Variants in BBX observed in about 807,000 individuals in gnomAD.
BBX encodes the protein HMG box transcription factor BBX.
Under a neutral mutation model 100.2 loss-of-function variants are expected in BBX, and 30 were observed. That is an observed-to-expected ratio of 0.30 (90% confidence interval 0.22 to 0.41). The LOEUF is 0.41. Ranked by LOEUF, BBX falls within the 10% of genes least tolerant of loss-of-function variation. The probability of loss-of-function intolerance (pLI) is 1.00; values close to 1 mark genes in which losing one functional copy is unlikely to be tolerated. For synonymous variants in BBX, 376 were observed against 388.1 expected, an observed-to-expected ratio of 0.97 and a Z score of 0.37; for missense variants, 1,023 against 1,129.8, an observed-to-expected ratio of 0.91 and a Z score of 1.35.
intron 10 of BBX, among the ~76,000 whole-genome samples, chr3:107,763,317 C>T (rs1322979445): frequency 2.0e-5 from 3 of 151,770 alleles, no homozygotes; most frequent in Non-Finnish European, 2.9e-5. Flanking sequence ...CTCCGCCTCC[C>T]GGGTTCACGC....
intron 3 of BBX, among the ~76,000 whole-genome samples, chr3:107,674,154 T>C: frequency 6.6e-6 from 1 of 152,202 alleles, no homozygotes; most frequent in South Asian, 2.1e-4. Flanking sequence ...TGGAAATACA[T>C]GTCAGAGGAG....
intron 2 of BBX, among the ~76,000 whole-genome samples, chr3:107,605,600 C>CT (rs1301892917): frequency 2.6e-5 from 4 of 152,134 alleles, no homozygotes; most frequent in African/African-American, 9.7e-5. Context: ...CTTCCTTCTC[C>CT]TACCACCCTC....
At chr3:107,596,351 A>G (rs1490087345) in intron 2 of BBX, among the ~76,000 whole-genome samples, 2 of 152,202 alleles carry the variant, frequency 1.3e-5, no homozygotes, top group African/African-American at 2.4e-5. Flanking sequence ...AGAACATAGT[A>G]AGTTTTCTTG....
At chr3:107,660,645 C>T (rs865861189) in intron 3 of BBX, among the ~76,000 whole-genome samples, 2 of 151,666 alleles carry the variant, frequency 1.3e-5, no homozygotes, top group African/African-American at 2.4e-5. Flanking sequence ...TATATTGATA[C>T]ACAGTTGAAT....
At chr3:107,650,607 G>A (rs2057785486) in intron 3 of BBX, among the ~76,000 whole-genome samples, 1 of 152,144 alleles carries the variant, frequency 6.6e-6, no homozygotes, top group South Asian at 2.1e-4. Flanking sequence ...AATAGCACAT[G>A]TATATAAAAA....
chr3:107,583,879 TTATATA>T (rs1216617503), intron 2 of BBX, among the ~76,000 whole-genome samples: 3 of 128,622 alleles, frequency 2.3e-5, no homozygotes, highest in Non-Finnish European at 3.2e-5. Context: ...AAATTATACT[TTATATA>T]TATTATATAT....
In BBX at chr3:107,647,821, G is replaced by A. The variant is rs566424776; in HGVS notation, c.-10+1912G>A. On this transcript the variant is annotated intron_variant, in intron 3 of 17. Coordinates refer to ENST00000325805, the MANE Select transcript of BBX (RefSeq NM_001142568.3). Reference sequence around the variant, plus strand: ...GATTAGTCTCCTGCCACTCCGCTCCGTGTCCTCTTCATTCTTGGACCAAAG... The same window carrying A: ...GATTAGTCTCCTGCCACTCCGCTCCATGTCCTCTTCATTCTTGGACCAAAG... Among the ~76,000 whole-genome samples the A allele has an allele frequency of 8.5e-5, 13 of 152,196 alleles. No homozygotes were observed. In the East Asian group the frequency reaches 9.7e-4, roughly 11 times the overall value.
At chr3:107,569,651 G>T (rs1043499393) in intron 2 of BBX, among the ~76,000 whole-genome samples, 8 of 152,266 alleles carry the variant, frequency 5.3e-5, no homozygotes, top group Non-Finnish European at 5.9e-5. Context: ...AACTAAAAAG[G>T]ACTGTATAAA....
intron 10 of BBX, among the ~76,000 whole-genome samples, chr3:107,763,479 G>A (rs1048559016): frequency 1.3e-5 from 2 of 152,096 alleles, no homozygotes; most frequent in African/African-American, 4.8e-5. Context: ...AAATACATCT[G>A]ATTCAGAAAG....
intron 4 of BBX, among the ~76,000 whole-genome samples, chr3:107,713,597 A>G (rs1000150382): frequency 3.9e-5 from 6 of 152,246 alleles, no homozygotes; most frequent in African/African-American, 1.4e-4. Flanking sequence ...ATTACATTAA[A>G]TAGCAATTAA....
chr3:107,687,446 A>G lies in BBX; in HGVS notation c.-9-23006A>G, dbSNP rs543428983. On this transcript the variant is annotated intron_variant, in intron 3 of 17. Transcript: ENST00000325805. ...AGAGGGGGGAATGGAGAACTTATAGACAGAGAAGCGGGGAATGCAGGACAG... is the reference window on the plus strand; with the variant it reads ...AGAGGGGGGAATGGAGAACTTATAGGCAGAGAAGCGGGGAATGCAGGACAG... Among the ~76,000 whole-genome samples, 8 of 152,072 alleles carry G rather than the reference A, an allele frequency of 5.3e-5. 1 individual carries two copies. In the South Asian group the frequency reaches 1.7e-3, roughly 32 times the overall value.
chr3:107,790,903 T>C (rs553612702), intron 14 of BBX, among the ~76,000 whole-genome samples: 1 of 152,358 alleles, frequency 6.6e-6, no homozygotes, highest in African/African-American at 2.4e-5. Context: ...TTATTTTTTC[T>C]TCTGCTTACA....
intron 3 of BBX, chr3:107,659,711 C>A (rs1376104503): frequency 1.6e-6 from 2 of 1,281,206 alleles, no homozygotes; most frequent in African/African-American, 3.1e-5. Context: ...TGTAGATTAT[C>A]CTCACATGTT....
At chr3:107,724,903 T>G (rs920484575) in intron 5 of BBX, among the ~76,000 whole-genome samples, 3 of 152,198 alleles carry the variant, frequency 2.0e-5, no homozygotes, top group African/African-American at 7.2e-5. Flanking sequence ...TCCTTTTTGG[T>G]GCCATATGAA....
intron 10 of BBX, among the ~76,000 whole-genome samples, chr3:107,764,756 T>C (rs1453440675): frequency 6.6e-6 from 1 of 152,260 alleles, no homozygotes; most frequent in East Asian, 1.9e-4. Flanking sequence ...CACAGTCTAT[T>C]AAGGGCAGCT....
At chr3:107,663,595 C>T (rs1395374676) in intron 3 of BBX, among the ~76,000 whole-genome samples, 2 of 151,858 alleles carry the variant, frequency 1.3e-5, no homozygotes, top group Non-Finnish European at 2.9e-5. Flanking sequence ...TTAAATTTTG[C>T]CTGTTTTTAA....
chr3:107,801,952 C>T (rs2070537000), intron 17 of BBX, among the ~76,000 whole-genome samples: 2 of 152,096 alleles, frequency 1.3e-5, no homozygotes, highest in Admixed American at 1.3e-4. Context: ...GTGATATCGC[C>T]AAAGAATTAC....
chr3:107,661,440 T>TTA (rs1004400654), intron 3 of BBX, among the ~76,000 whole-genome samples: 6 of 152,106 alleles, frequency 3.9e-5, no homozygotes, highest in Non-Finnish European at 7.4e-5. Flanking sequence ...ACTTCCTTAT[T>TTA]TATAGCTGGG....
At position 107,612,885 on chromosome 3, in the gene BBX, A is replaced by G. The variant is rs935642545; in HGVS notation, c.-83-32951A>G. ...TCCAGAGATGCTGTCTGGGAACCAG[A>G]GCCTGGAGTCAGAAACCTGAGAGGT... is the stretch of plus-strand genomic sequence containing the variant. On this transcript the variant is annotated intron_variant, in intron 2 of 17. Transcript: ENST00000325805. Among the ~76,000 whole-genome samples, 10 of 152,270 alleles carry G rather than the reference A, an allele frequency of 6.6e-5. No individual in the cohort carries two copies. The South Asian group carries it at 8.3e-4, about 13-fold the overall frequency.
Sources: gnomAD v4.1 joint callset for allele counts (sites outside exome capture counted in the v4.1 genomes callset) on GRCh38, gnomAD v4.1.1 for gene constraint, MANE v1.5 for transcripts, NCBI Gene and HGNC (gene_info 2026-07-23, HGNC 2026-07-21) for gene names.